Variants in GLT6D1 observed in about 807,000 individuals in gnomAD.
The protein encoded by GLT6D1 is putative glycosyltransferase 6 domain-containing protein 1.
GLT6D1 carries 9 observed loss-of-function variants against 12.3 expected under a neutral mutation model. The ratio of observed to expected loss-of-function variants is 0.73; its 90% CI spans 0.44 to 1.27. The LOEUF is 1.27. GLT6D1 is among the 50% of genes most tolerant of loss of function. The pLI is 0.00. For missense variants in GLT6D1, 335 were observed against 346.2 expected, an observed-to-expected ratio of 0.97 and a Z score of 0.26; for synonymous variants, 128 against 132.3, an observed-to-expected ratio of 0.97 and a Z score of 0.23.
chr9:135,629,369 G>T (rs917078313), intron 3 of GLT6D1, among the ~76,000 whole-genome samples: 4 of 151,678 alleles, frequency 2.6e-5, no homozygotes, highest in African/African-American at 9.7e-5. Flanking sequence ...ATTCTTTTTT[G>T]ATTATTTAGG....
chr9:135,639,335 G>C lies in GLT6D1; in HGVS notation c.-49C>G, dbSNP rs376057690. 1 of 534,746 alleles carries C rather than the reference G, an allele frequency of 1.9e-6. No individual in the cohort carries two copies. Among genetic ancestry groups the C allele is most frequent in the Non-Finnish European group, 3.3e-6 (1 of 300,552 alleles). The allele number at this position is 534,746 out of a possible 1,614,324, so 33.1% of individuals were successfully genotyped here. ...GAATGTTCAGCTGGCAGGAGACAGC[G>C]ACTTGAGTTAGGGAAGCCTCTGTTC... On this transcript the variant is annotated 5_prime_UTR_variant, in exon 1 of 5. Coordinates refer to ENST00000371763, the MANE Select transcript of GLT6D1 (RefSeq NM_182974.3).
chr9:135,634,464 TGGCATGATTTA>T (rs1564277199), intron 2 of GLT6D1, among the ~76,000 whole-genome samples: 56 of 132,096 alleles, frequency 4.2e-4, no homozygotes, highest in East Asian at 6.3e-4. Context: ...TTTTTTTTTT[TGGCATGATTTA>T]TTTTTACTTT....
At chr9:135,634,848 A>G (rs1833735820) in intron 2 of GLT6D1, among the ~76,000 whole-genome samples, 1 of 151,914 alleles carries the variant, frequency 6.6e-6, no homozygotes, top group African/African-American at 2.4e-5. Flanking sequence ...CTCAGACCCC[A>G]TCATGACTTC....
At chr9:135,625,058 C>T (rs12347700) in intron 4 of GLT6D1, among the ~76,000 whole-genome samples, 7,491 of 152,020 alleles carry the variant, frequency 0.049, 308 homozygotes, top group African/African-American at 0.11. Context: ...ACTTACTTTT[C>T]TAAACATGAT....
At chr9:135,633,315 TCTC>T (rs1315222289) in intron 2 of GLT6D1, among the ~76,000 whole-genome samples, 1 of 152,174 alleles carries the variant, frequency 6.6e-6, no homozygotes, top group African/African-American at 2.4e-5. Context: ...AGTGGTATGA[TCTC>T]AACTCACTGC....
rs370258603 is a variant in GLT6D1, at chr9:135,626,103, T to C, written c.223A>G (p.Ile75Val). ...GCAAAGACGGCCAGGCCCACAGTGA[T>C]ATTCCGCCTTCTGTAATGTTTTTCC... Reference protein sequence around the residue: ...VLEKHYRRRNITVGLAVFATG... With the variant: ...VLEKHYRRRNVTVGLAVFATG... The change falls in exon 4 of 5, where the codon ATC (isoleucine) becomes GTC (valine). Residue 75 changes from isoleucine to valine, a missense_variant. By Grantham distance (29) the Ile-to-Val change is conservative. Coordinates refer to ENST00000371763, the MANE Select transcript of GLT6D1 (RefSeq NM_182974.3). 2.2e-5 allele frequency: 36 copies of C among 1,614,070 alleles called. No homozygotes were observed. Among genetic ancestry groups the C allele is most frequent in the Non-Finnish European group, 2.8e-5 (33 of 1,180,028 alleles).
chr9:135,637,908 G>A (rs1833812222), intron 2 of GLT6D1, among the ~76,000 whole-genome samples: 1 of 152,128 alleles, frequency 6.6e-6, no homozygotes, highest in Non-Finnish European at 1.5e-5. Context: ...AATAGCCTCT[G>A]GAAACACTGC....
At chr9:135,634,666 C>T (rs1025509807) in intron 2 of GLT6D1, among the ~76,000 whole-genome samples, 24 of 151,734 alleles carry the variant, frequency 1.6e-4, no homozygotes, top group Admixed American at 1.2e-3. Flanking sequence ...GTATTGTTAA[C>T]GAGAGTCCAT....
At chr9:135,640,202 G>A (rs1234545076), upstream of GLT6D1, among the ~76,000 whole-genome samples, 1 of 152,160 alleles carries the variant, frequency 6.6e-6, no homozygotes, top group East Asian at 1.9e-4. Flanking sequence ...AATGAGGTGA[G>A]CTGCAAGTGT....
intron 3 of GLT6D1, among the ~76,000 whole-genome samples, chr9:135,627,514 G>A (rs7037835): frequency 0.24 from 37,103 of 152,170 alleles, 4,970 homozygotes; most frequent in Middle Eastern, 0.41. Context: ...CTGGAAATAT[G>A]GCTGAATAAT....
intron 2 of GLT6D1, among the ~76,000 whole-genome samples, chr9:135,636,502 G>C (rs879449612): frequency 3.9e-5 from 6 of 152,108 alleles, no homozygotes; most frequent in Admixed American, 2.0e-4. Flanking sequence ...AGGATACCTC[G>C]AACCTCCTAG....
chr9:135,623,908 G>C lies in GLT6D1; in HGVS notation c.*189C>G, dbSNP rs1033134353. The C allele has an allele frequency of 1.9e-6, 1 of 518,154 alleles. No homozygotes were observed. The highest frequency in any genetic ancestry group is 3.4e-6 in the Non-Finnish European group (1 of 295,012). 32.1% of individuals were successfully genotyped at this position (518,154 alleles called of 1,614,324 possible). A position where few individuals can be genotyped will look rare whatever the true frequency, so the allele number is the denominator to read the frequency against. ...ATTTATTTGGGAAGGATGTAAATTT[G>C]TATGTCTCTAAAAAATGGAAGGTCT... On this transcript the variant is annotated 3_prime_UTR_variant, in exon 5 of 5. Coordinates refer to ENST00000371763, the MANE Select transcript of GLT6D1 (RefSeq NM_182974.3).
At chr9:135,630,970 T>C (rs1219733081) in intron 3 of GLT6D1, among the ~76,000 whole-genome samples, 3 of 111,642 alleles carry the variant, frequency 2.7e-5, no homozygotes, top group South Asian at 7.0e-4. Context: ...CCGGAAGTCA[T>C]ATATCTGTGT....
At chr9:135,638,491 T>C (rs1833827254) in intron 2 of GLT6D1, among the ~76,000 whole-genome samples, 1 of 152,358 alleles carries the variant, frequency 6.6e-6, no homozygotes, top group South Asian at 2.1e-4. Context: ...AAACTTGAGA[T>C]AGTTTATAAT....
chr9:135,639,860 T>TTTG (rs1386614865), upstream of GLT6D1, among the ~76,000 whole-genome samples: 1 of 151,464 alleles, frequency 6.6e-6, no homozygotes, highest in Admixed American at 6.6e-5. Flanking sequence ...TTTTTTTTTT[T>TTTG]TGAGATGGAG....
chr9:135,636,390 T>C (rs1564278078), intron 2 of GLT6D1, among the ~76,000 whole-genome samples: 1 of 152,124 alleles, frequency 6.6e-6, no homozygotes, highest in African/African-American at 2.4e-5. Context: ...CACTCATTCC[T>C]AAGTTATTTT....
chr9:135,626,389 T>C (rs1296175216), intron 3 of GLT6D1, among the ~76,000 whole-genome samples, 183 bp from the exon 4 acceptor site: 1 of 152,148 alleles, frequency 6.6e-6, no homozygotes, highest in African/African-American at 2.4e-5. Context: ...ACCCCTGATC[T>C]CCACGTGGGG....
intron 2 of GLT6D1, among the ~76,000 whole-genome samples, chr9:135,635,771 G>A (rs1051642617): frequency 3.3e-5 from 5 of 152,136 alleles, no homozygotes; most frequent in Non-Finnish European, 2.9e-5. Flanking sequence ...ACGTTGACAC[G>A]TAAATGTCTC....
chr9:135,624,558 T>A lies in GLT6D1; in HGVS notation c.370A>T (p.Ile124Leu), dbSNP rs1306931268. The A allele has an allele frequency of 1.2e-6, 2 of 1,613,902 alleles. No homozygotes were observed. The highest frequency in any genetic ancestry group is 1.7e-6 in the Non-Finnish European group (2 of 1,180,014). ...AACGTTCGAAGAGGACTGGGCTCTATGTCAGGCAGCTTGAAGAAGGCGTCC... is the reference window on the plus strand; with the variant it reads ...AACGTTCGAAGAGGACTGGGCTCTAAGTCAGGCAGCTTGAAGAAGGCGTCC... ...MVDAFFKLPDIEPSPLRTFKA... is the reference protein window; with the variant it reads ...MVDAFFKLPDLEPSPLRTFKA... Residue 124 changes from isoleucine (I) to leucine (L), a missense_variant, in exon 5 of 5, where the codon ATA becomes TTA. Transcript: ENST00000371763.
Sources: allele counts gnomAD v4.1 joint callset (sites outside exome capture counted in the v4.1 genomes callset), GRCh38; gene constraint gnomAD v4.1.1; transcripts MANE v1.5; gene names NCBI Gene and HGNC (gene_info 2026-07-23, HGNC 2026-07-21).